Variants in INPP4A observed in about 807,000 individuals in gnomAD.
The protein encoded by INPP4A is inositol polyphosphate-4-phosphatase type I A, also known as inositol polyphosphate-4-phosphatase, type I, 107kD.
A neutral mutation model predicts 119.8 loss-of-function variants in INPP4A; 33 were observed. The observed-to-expected ratio is 0.28, with a 90% confidence interval of 0.21 to 0.37. The LOEUF is 0.37. Ranked by LOEUF, INPP4A falls within the 10% of genes least tolerant of loss-of-function variation. The pLI is 1.00. For synonymous variants in INPP4A, 496 were observed against 500.7 expected (o/e 0.99, Z 0.12); for missense variants, 956 against 1,289.9 (o/e 0.74, Z 3.97).
chr2:98,585,474 C>T (rs1201092813), intron 24 of INPP4A, among the ~76,000 whole-genome samples: 3 of 152,160 alleles, frequency 2.0e-5, no homozygotes, highest in African/African-American at 7.2e-5. Context: ...CAACATGTAC[C>T]ATTGGTTCCT....
At chr2:98,527,094 A>G (rs1688318267) in intron 4 of INPP4A, among the ~76,000 whole-genome samples, 1 of 152,192 alleles carries the variant, frequency 6.6e-6, no homozygotes. Context: ...AGAGAGCTTT[A>G]TGATGTTTTA....
At chr2:98,458,328 G>C (rs914342459) in intron 1 of INPP4A, among the ~76,000 whole-genome samples, 3 of 151,854 alleles carry the variant, frequency 2.0e-5, no homozygotes, top group African/African-American at 7.3e-5. Context: ...TTGGTGACAG[G>C]GGCTTGCCTC....
chr2:98,583,205 T>C (rs1327827355), intron 24 of INPP4A, among the ~76,000 whole-genome samples: 1 of 152,246 alleles, frequency 6.6e-6, no homozygotes, highest in Non-Finnish European at 1.5e-5. Context: ...TTTTATTTAT[T>C]TTAAAACAGT....
chr2:98,520,077 A>G lies in INPP4A; in HGVS notation c.29A>G (p.His10Arg). 1.9e-6 allele frequency: 3 copies of G among 1,584,256 alleles called. No homozygotes were observed. Among genetic ancestry groups the G allele is most frequent in the East Asian group, 4.6e-5 (2 of 43,420 alleles). The change falls in exon 3 of 25, where the codon CAT becomes CGT. Residue 10 changes from histidine to arginine, a missense_variant. Around this residue, in one of 2 missense-constraint regions of INPP4A, gnomAD observed 652 missense variants for 797.9 expected, o/e 0.82. Transcript: ENST00000409851. ...ACAGCAAGAGAGCACAGCCCTCGCCATGGTGCCAGGGCCCGTGCAATGCAG... is the reference window on the plus strand; with the variant it reads ...ACAGCAAGAGAGCACAGCCCTCGCCGTGGTGCCAGGGCCCGTGCAATGCAG... MTAREHSPR[H>R]GARARAMQRA...
Position 98,554,121 on chromosome 2 carries a change from G to A in INPP4A, c.1348-150G>A. Reference sequence around the variant, plus strand: ...AGTCTTTGTACTCAGACATCTTGAGGGATGTAGCCCTTCAGTTGCTTTGCA... The same window carrying A: ...AGTCTTTGTACTCAGACATCTTGAGAGATGTAGCCCTTCAGTTGCTTTGCA... On this transcript the variant is annotated intron_variant, in intron 14 of 24. Transcript: ENST00000409851. The surrounding 1 kb of genome is among the most constrained non-coding windows in gnomAD (Gnocchi z 4.7). 1 of 581,406 alleles carries A rather than the reference G, an allele frequency of 1.7e-6. No homozygotes were observed. The highest frequency in any genetic ancestry group is 3.0e-6 in the Non-Finnish European group (1 of 334,172). 36.0% of individuals were successfully genotyped at this position (581,406 alleles called of 1,614,324 possible).
At chr2:98,471,334 C>T (rs1300654999) in intron 1 of INPP4A, among the ~76,000 whole-genome samples, 1 of 152,156 alleles carries the variant, frequency 6.6e-6, no homozygotes, top group Non-Finnish European at 1.5e-5. Flanking sequence ...AAAAATTGAG[C>T]TTTGAAAAGC....
rs768218588 is a variant in INPP4A, at chr2:98,469,499, CA to C, written c.-166+24428del. ...TGGGCAACAGAGCAAGACTCCGTCT[CA>C]AAAAAAAAAAAAAGAACTTGGGCCG... On this transcript the variant is annotated intron_variant, in intron 1 of 24. Coordinates refer to ENST00000409851, the MANE Select transcript of INPP4A (RefSeq NM_001134225.2). 3.7e-3 allele frequency among the ~76,000 whole-genome samples: 390 copies of C among 105,946 alleles called. 4 individuals carry two copies. Among genetic ancestry groups the C allele is most frequent in the South Asian group, 0.015 (50 of 3,370 alleles). The allele number at this position is 105,946 out of a possible 152,430, so 69.5% of individuals were successfully genotyped here. A position where few individuals can be genotyped will look rare whatever the true frequency, so the allele number is the denominator to read the frequency against.
Position 98,554,474 on chromosome 2 carries a change from G to C in INPP4A, c.1551G>C (p.Trp517Cys). The C allele has an allele frequency of 6.2e-7, 1 of 1,613,496 alleles. No individual in the cohort carries two copies. Among genetic ancestry groups the C allele is most frequent in the Non-Finnish European group, 8.5e-7 (1 of 1,179,746 alleles). ...GCCGATCTTCCCTGCAGGTGGACTG[G>C]CACGAGGAGGAGTGGGTGAGTCTGC... ...RNSRSSLQVD[W>C]HEEEWEKVWL... Residue 517 changes from tryptophan (W) to cysteine (C), a missense_variant, in exon 15 of 25, where the codon TGG becomes TGC. By Grantham distance (215) the Trp-to-Cys change is radical. Coordinates refer to ENST00000409851, the MANE Select transcript of INPP4A (RefSeq NM_001134225.2). The surrounding 1 kb of genome is among the most constrained non-coding windows in gnomAD (Gnocchi z 4.7).
chr2:98,522,017 G>A (rs548252307), intron 4 of INPP4A, among the ~76,000 whole-genome samples: 1 of 152,154 alleles, frequency 6.6e-6, no homozygotes, highest in Non-Finnish European at 1.5e-5. Flanking sequence ...GCCAGGCATG[G>A]TGGCTCAATC....
chr2:98,562,274 CTTAAACATTTGCA>C (rs996640343), intron 17 of INPP4A, among the ~76,000 whole-genome samples: 3 of 152,264 alleles, frequency 2.0e-5, no homozygotes, highest in Non-Finnish European at 4.4e-5. Context: ...GCTACATATA[CTTAAACATTTGCA>C]TTAACCAAAC....
intron 1 of INPP4A, among the ~76,000 whole-genome samples, chr2:98,505,927 C>T (rs1683958577): frequency 6.6e-6 from 1 of 152,108 alleles, no homozygotes; most frequent in African/African-American, 2.4e-5. Flanking sequence ...GTTTTTTAAA[C>T]TTTATTTTTT....
chr2:98,535,661 G>T, intron 5 of INPP4A, 68 bp from the exon 6 acceptor site: 1 of 696,256 alleles, frequency 1.4e-6, no homozygotes. Context: ...AAATGTTGGT[G>T]TATTTCAAAA....
intron 16 of INPP4A, chr2:98,556,240 T>C (rs1694467966): frequency 6.1e-6 from 1 of 163,872 alleles, no homozygotes; most frequent in Admixed American, 6.2e-5. Context: ...ATGAGAGATA[T>C]TGGCAGGTCC....
At chr2:98,453,215 A>G (rs1695530562) in intron 1 of INPP4A, among the ~76,000 whole-genome samples, 3 of 152,234 alleles carry the variant, frequency 2.0e-5, no homozygotes, top group South Asian at 4.1e-4. Context: ...ACATAAAAAT[A>G]ACGTTTAGGA....
chr2:98,543,325 C>T (rs544383583), intron 10 of INPP4A, among the ~76,000 whole-genome samples: 2 of 152,162 alleles, frequency 1.3e-5, no homozygotes, highest in Non-Finnish European at 2.9e-5. Context: ...GTTTTAGATT[C>T]TGCGGCTCCC....
At chr2:98,516,101 A>G (rs916524214) in intron 1 of INPP4A, among the ~76,000 whole-genome samples, 1 of 151,852 alleles carries the variant, frequency 6.6e-6, no homozygotes, top group Non-Finnish European at 1.5e-5. Context: ...CTCCTAATGA[A>G]CTCTGGTCTT....
intron 1 of INPP4A, among the ~76,000 whole-genome samples, chr2:98,472,862 A>C (rs540899950): frequency 6.6e-6 from 1 of 152,188 alleles, no homozygotes; most frequent in Admixed American, 6.5e-5. Context: ...CTCCCTCTCC[A>C]TGAGGTGCTC....
intron 23 of INPP4A, among the ~76,000 whole-genome samples, chr2:98,575,655 C>G (rs1219536512): frequency 6.6e-6 from 1 of 152,068 alleles, no homozygotes; most frequent in East Asian, 1.9e-4. Context: ...AGCACTGTAC[C>G]ATGTTCGTGT....
chr2:98,551,394 G>A (rs769763026), intron 13 of INPP4A, among the ~76,000 whole-genome samples: 33 of 152,318 alleles, frequency 2.2e-4, no homozygotes, highest in Non-Finnish European at 4.1e-4. Context: ...TGTGCCCCAC[G>A]AGCTTGAGTG....
Sources: allele counts gnomAD v4.1 joint callset (sites outside exome capture counted in the v4.1 genomes callset), GRCh38; gene constraint gnomAD v4.1.1; regional missense constraint gnomAD v4.1.1; non-coding constraint Gnocchi (gnomAD v3.1); transcripts MANE v1.5; gene names NCBI Gene and HGNC (gene_info 2026-07-23, HGNC 2026-07-21).